The following NEGR1 variants were observed in gnomAD, a reference collection of about 807,000 sequenced individuals.
NEGR1 encodes IgLON family member 4.
In NEGR1, 10 loss-of-function variants were observed where a neutral mutation model predicts 40.9. That is an observed-to-expected ratio of 0.24 (90% CI 0.15 to 0.42). The LOEUF is 0.42. Among genes scored for constraint, NEGR1 ranks in the 10% least tolerant of loss-of-function variants. NEGR1 has a pLI of 1.00. For missense variants in NEGR1, 352 were observed against 438.9 expected, an observed-to-expected ratio of 0.80 and a Z score of 1.77; for synonymous variants, 185 against 166.8, an observed-to-expected ratio of 1.11 and a Z score of -0.84.
Position 72,118,613 on chromosome 1 carries a change from T to C in NEGR1, c.176+163706A>G, listed in dbSNP as rs150532651. Among the ~76,000 whole-genome samples, 543 of 151,918 alleles carry C rather than the reference T, an allele frequency of 3.6e-3. 1 individual carries two copies. The highest frequency in any genetic ancestry group is 8.8e-3 in the Admixed American group (134 of 15,202). On this transcript the variant is annotated intron_variant, in intron 1 of 6. Transcript: ENST00000357731. ...GTTGTACATTGGTCATTCTGCAATA[T>C]TGCTCTAGGAGTCATTACTGGAGGG...
chr1:71,582,890 C>T (rs1388669832), intron 6 of NEGR1, among the ~76,000 whole-genome samples: 2 of 152,088 alleles, frequency 1.3e-5, no homozygotes, highest in Admixed American at 6.6e-5. Context: ...CAAAGGTTGG[C>T]CCTTAGGCTG....
chr1:72,227,017 A>G (rs763948666), intron 1 of NEGR1, among the ~76,000 whole-genome samples: 3 of 152,108 alleles, frequency 2.0e-5, no homozygotes, highest in Non-Finnish European at 4.4e-5. Flanking sequence ...ATCAAATACT[A>G]TGTTTAAATA....
chr1:71,427,142 G>T (rs1191912215), intron 6 of NEGR1, among the ~76,000 whole-genome samples: 1 of 152,132 alleles, frequency 6.6e-6, no homozygotes, highest in Non-Finnish European at 1.5e-5. Context: ...TAAGCATAAA[G>T]GCACATATAT....
At position 71,935,511 on chromosome 1, in the gene NEGR1, T is replaced by C. The variant is rs944539030; in HGVS notation, c.177-200A>G. ...TGTGAAACAATACTTGTGTACAGTT[T>C]TTTTAAGTGTGTAGTGTGTGTGTGT... On this transcript the variant is annotated intron_variant, in intron 1 of 6. Transcript: ENST00000357731. Among the ~76,000 whole-genome samples the C allele has an allele frequency of 3.6e-5, 5 of 139,004 alleles. No homozygotes were observed. The Admixed American group carries it at 3.6e-4, about 10-fold the overall frequency. The allele number at this position is 139,004 out of a possible 152,430, so 91.2% of individuals were successfully genotyped here. A position where few individuals can be genotyped will look rare whatever the true frequency, so the allele number is the denominator to read the frequency against.
intron 4 of NEGR1, among the ~76,000 whole-genome samples, chr1:71,687,250 A>G (rs1653070109): frequency 6.6e-6 from 1 of 152,224 alleles, no homozygotes; most frequent in Non-Finnish European, 1.5e-5. Context: ...CTTTTAAGTT[A>G]TCGGTAGACT....
chr1:72,180,645 G>A (rs548238577), intron 1 of NEGR1, among the ~76,000 whole-genome samples: 2 of 152,056 alleles, frequency 1.3e-5, no homozygotes, highest in African/African-American at 4.8e-5. Flanking sequence ...TAAAAAATGA[G>A]CAAATTTCCC....
At chr1:72,113,256 G>C (rs908454851) in intron 1 of NEGR1, among the ~76,000 whole-genome samples, 2 of 151,674 alleles carry the variant, frequency 1.3e-5, no homozygotes, top group African/African-American at 4.8e-5. Flanking sequence ...ATCAGCTTTG[G>C]AGTTGGGGAA....
intron 1 of NEGR1, among the ~76,000 whole-genome samples, chr1:71,942,452 A>AAAATATAT (rs1645968051): frequency 2.9e-5 from 1 of 34,262 alleles, no homozygotes; most frequent in Admixed American, 4.8e-4. Flanking sequence ...AAATTCTTTA[A>AAAATATAT]ATCTATATAT....
intron 1 of NEGR1, among the ~76,000 whole-genome samples, chr1:72,101,443 C>T (rs9326097): frequency 0.034 from 5,139 of 152,104 alleles, 286 homozygotes; most frequent in African/African-American, 0.12. Flanking sequence ...AAAAACTGTG[C>T]CAAATGAAGT....
At chr1:71,544,061 T>C (rs900893609) in intron 6 of NEGR1, among the ~76,000 whole-genome samples, 1 of 151,700 alleles carries the variant, frequency 6.6e-6, no homozygotes, top group Non-Finnish European at 1.5e-5. Context: ...CAACCTTATC[T>C]AGATACTGCC....
intron 1 of NEGR1, among the ~76,000 whole-genome samples, chr1:72,035,026 A>T (rs1646890251): frequency 6.6e-6 from 1 of 152,110 alleles, no homozygotes; most frequent in Admixed American, 6.6e-5. Context: ...ATGTACAGGC[A>T]TTATGGCCAC....
chr1:71,720,040 C>T (rs1052404473), intron 3 of NEGR1, among the ~76,000 whole-genome samples: 4 of 152,024 alleles, frequency 2.6e-5, no homozygotes, highest in Admixed American at 6.6e-5. Context: ...AAATGGAATA[C>T]AATCTTATTT....
At chr1:71,539,120 C>G (rs1226397456) in intron 6 of NEGR1, among the ~76,000 whole-genome samples, 1 of 151,620 alleles carries the variant, frequency 6.6e-6, no homozygotes, top group Non-Finnish European at 1.5e-5. Flanking sequence ...TAAGTTTGTG[C>G]AATTATTCAA....
intron 1 of NEGR1, among the ~76,000 whole-genome samples, chr1:72,062,757 C>T (rs1189686642): frequency 6.6e-6 from 1 of 151,892 alleles, no homozygotes; most frequent in Non-Finnish European, 1.5e-5. Context: ...AACTTGTTGA[C>T]TGAGCTGATT....
chr1:71,971,088 G>C lies in NEGR1; in HGVS notation c.177-35777C>G, dbSNP rs562823963. ...TTATAAGAAAAGGAAAGGGCACAGAGATACACAGAGAAGGACACATGAAGA... is the reference window on the plus strand; with the variant it reads ...TTATAAGAAAAGGAAAGGGCACAGACATACACAGAGAAGGACACATGAAGA... On this transcript the variant is annotated intron_variant, in intron 1 of 6. Coordinates refer to ENST00000357731, the MANE Select transcript of NEGR1 (RefSeq NM_173808.3). Among the ~76,000 whole-genome samples the C allele has an allele frequency of 2.6e-5, 4 of 152,282 alleles. No homozygotes were observed. In the East Asian group the frequency reaches 7.7e-4, roughly 29 times the overall value.
At chr1:71,501,782 G>A (rs12083113) in intron 6 of NEGR1, among the ~76,000 whole-genome samples, 2,905 of 152,170 alleles carry the variant, frequency 0.019, 79 homozygotes, top group African/African-American at 0.067. Context: ...TAAAAAATAT[G>A]TAAAGCTCTT....
chr1:71,560,609 T>C (rs532864600), intron 6 of NEGR1, among the ~76,000 whole-genome samples: 5 of 151,094 alleles, frequency 3.3e-5, no homozygotes, highest in Non-Finnish European at 5.9e-5. Context: ...TTCTTTCCAA[T>C]AGAATCATAC....
chr1:72,062,728 A>G (rs1178078670), intron 1 of NEGR1, among the ~76,000 whole-genome samples: 3 of 151,992 alleles, frequency 2.0e-5, no homozygotes, highest in Non-Finnish European at 4.4e-5. Flanking sequence ...CTGGTACTCC[A>G]GCATCTGGGG....
intron 1 of NEGR1, among the ~76,000 whole-genome samples, chr1:72,098,585 T>G (rs552537571): frequency 6.6e-6 from 1 of 152,140 alleles, no homozygotes; most frequent in Non-Finnish European, 1.5e-5. Flanking sequence ...AATTACCTAC[T>G]TTGCAAGACC....
Sources: allele counts gnomAD v4.1 joint callset (sites outside exome capture counted in the v4.1 genomes callset), GRCh38; gene constraint gnomAD v4.1.1; transcripts MANE v1.5; gene names NCBI Gene and HGNC (gene_info 2026-07-23, HGNC 2026-07-21).